Variants in TCERG1L observed in about 807,000 individuals in gnomAD.
The protein encoded by TCERG1L is transcription elongation regulator 1-like protein.
In TCERG1L, 37 loss-of-function variants were observed where a neutral mutation model predicts 56.3. That is an observed-to-expected ratio of 0.66 (90% confidence interval 0.51 to 0.87). The LOEUF is 0.87. Among genes scored for constraint, TCERG1L ranks in the 40% least tolerant of loss-of-function variants. The probability of loss-of-function intolerance (pLI) is 0.00; values close to 1 mark genes in which losing one functional copy is unlikely to be tolerated. For missense variants in TCERG1L, 799 were observed against 774.2 expected, an observed-to-expected ratio of 1.03 and a Z score of -0.38; for synonymous variants, 324 against 326.3, an observed-to-expected ratio of 0.99 and a Z score of 0.08.
chr10:131,309,757 C>G (rs535743958), intron 1 of TCERG1L, among the ~76,000 whole-genome samples: 1 of 124,734 alleles, frequency 8.0e-6, no homozygotes, highest in South Asian at 2.7e-4. Context: ...CTAATACTTT[C>G]AAAATGAAAA....
At chr10:131,144,623 CT>C (rs1212236340) in intron 7 of TCERG1L, among the ~76,000 whole-genome samples, 1 of 152,076 alleles carries the variant, frequency 6.6e-6, no homozygotes, top group East Asian at 1.9e-4. Context: ...CTCTTCCTCT[CT>C]TTATATGAGG....
chr10:131,251,325 G>A (rs1589761983), intron 4 of TCERG1L, among the ~76,000 whole-genome samples: 1 of 113,372 alleles, frequency 8.8e-6, no homozygotes, highest in Admixed American at 9.0e-5. Flanking sequence ...CCTCCTCCCA[G>A]CCCAGCTCAG....
At chr10:131,252,122 A>G (rs1846117591) in intron 4 of TCERG1L, among the ~76,000 whole-genome samples, 1 of 152,204 alleles carries the variant, frequency 6.6e-6, no homozygotes, top group African/African-American at 2.4e-5. Flanking sequence ...ATATTTCACT[A>G]TATAGATATG....
intron 4 of TCERG1L, among the ~76,000 whole-genome samples, chr10:131,249,825 C>T (rs951366855): frequency 5.3e-5 from 8 of 152,140 alleles, no homozygotes; most frequent in Non-Finnish European, 7.3e-5. Flanking sequence ...CTTTTCAAAT[C>T]GTTGCAGGGA....
chr10:131,262,083 G>A (rs1055507457), intron 3 of TCERG1L, among the ~76,000 whole-genome samples: 7 of 152,074 alleles, frequency 4.6e-5, no homozygotes, highest in African/African-American at 1.7e-4. Context: ...GGGGGTGAGG[G>A]GACAGCCAGG....
At chr10:131,206,038 C>T (rs1845520985) in intron 4 of TCERG1L, among the ~76,000 whole-genome samples, 1 of 152,200 alleles carries the variant, frequency 6.6e-6, no homozygotes, top group African/African-American at 2.4e-5. Context: ...GCTCCTTTGT[C>T]TGGAAGACTC....
rs982777852 is a variant in TCERG1L, at chr10:131,103,568, G to A, written c.1485+697C>T. On this transcript the variant is annotated intron_variant, in intron 10 of 11. Transcript: ENST00000368642. The surrounding 1 kb of genome is among the most constrained non-coding windows in gnomAD (Gnocchi z 4.3). ...TAGCCAGGCGTGGTGGCTGGAGCCTGTAGTCTCAGCTGCTCAGGAGGCTGA... is the reference window on the plus strand; with the variant it reads ...TAGCCAGGCGTGGTGGCTGGAGCCTATAGTCTCAGCTGCTCAGGAGGCTGA... 1.3e-5 allele frequency among the ~76,000 whole-genome samples: 2 copies of A among 152,214 alleles called. No homozygotes were observed. Among genetic ancestry groups the A allele is most frequent in the African/African-American group, 2.4e-5 (1 of 41,462 alleles).
intron 4 of TCERG1L, among the ~76,000 whole-genome samples, chr10:131,222,307 T>C (rs142436843): frequency 1.4e-3 from 215 of 152,370 alleles, no homozygotes; most frequent in Admixed American, 3.9e-3. Context: ...TGATATTTTG[T>C]GCGGACAGTG....
At chr10:131,229,331 A>G (rs1845825772) in intron 4 of TCERG1L, among the ~76,000 whole-genome samples, 1 of 152,212 alleles carries the variant, frequency 6.6e-6, no homozygotes, top group African/African-American at 2.4e-5. Context: ...TCAGAATTCC[A>G]CTCAGACTTT....
chr10:131,093,939 G>A (rs1287993604), intron 11 of TCERG1L, among the ~76,000 whole-genome samples: 1 of 152,140 alleles, frequency 6.6e-6, no homozygotes, highest in African/African-American at 2.4e-5. Context: ...TCCAATAAAT[G>A]CCCTGAATGT....
chr10:131,139,476 G>A (rs1295301230), intron 7 of TCERG1L, among the ~76,000 whole-genome samples: 1 of 152,180 alleles, frequency 6.6e-6, no homozygotes, highest in Non-Finnish European at 1.5e-5. Context: ...GGTGCGGGAG[G>A]CAGGGAGGCT....
At chr10:131,284,676 G>A (rs1846499287) in intron 3 of TCERG1L, among the ~76,000 whole-genome samples, 1 of 152,026 alleles carries the variant, frequency 6.6e-6, no homozygotes, top group Non-Finnish European at 1.5e-5. Flanking sequence ...GAATGAGGAG[G>A]TGCAAATAAG....
chr10:131,248,229 A>T (rs1367410379), intron 4 of TCERG1L, among the ~76,000 whole-genome samples: 1 of 146,756 alleles, frequency 6.8e-6, no homozygotes, highest in African/African-American at 2.7e-5. Flanking sequence ...CACACAACTC[A>T]CACACACACG....
intron 4 of TCERG1L, among the ~76,000 whole-genome samples, chr10:131,213,395 C>T (rs1396709594): frequency 6.6e-6 from 1 of 152,210 alleles, no homozygotes; most frequent in Non-Finnish European, 1.5e-5. Context: ...TGGAATAAGA[C>T]TTCATGTTAT....
chr10:131,262,422 T>G (rs929901700), intron 3 of TCERG1L, among the ~76,000 whole-genome samples: 1 of 152,232 alleles, frequency 6.6e-6, no homozygotes, highest in Admixed American at 6.5e-5. Flanking sequence ...CATATCTAGA[T>G]GGCAGAATTA....
At chr10:131,271,787 G>A (rs1846342059) in intron 3 of TCERG1L, among the ~76,000 whole-genome samples, 1 of 152,216 alleles carries the variant, frequency 6.6e-6, no homozygotes, top group South Asian at 2.1e-4. Context: ...GCTGGTGAGG[G>A]TCCCTGTGAC....
chr10:131,097,682 G>C (rs1416033326), intron 11 of TCERG1L, among the ~76,000 whole-genome samples: 1 of 152,276 alleles, frequency 6.6e-6, no homozygotes, highest in Non-Finnish European at 1.5e-5. Context: ...GTCAATTAAA[G>C]CTAATTTTTA....
chr10:131,299,491 T>C (rs866276699), intron 3 of TCERG1L, among the ~76,000 whole-genome samples: 8 of 142,014 alleles, frequency 5.6e-5, no homozygotes, highest in Non-Finnish European at 1.1e-4. Context: ...TTATATCTTT[T>C]GAAGATATAT....
intron 6 of TCERG1L, among the ~76,000 whole-genome samples, chr10:131,155,030 C>T (rs1845904793): frequency 6.6e-6 from 1 of 152,220 alleles, no homozygotes; most frequent in Admixed American, 6.5e-5. Flanking sequence ...GGGACACAAC[C>T]TTGGCCTCCC....
Sources: allele counts gnomAD v4.1 joint callset (sites outside exome capture counted in the v4.1 genomes callset), GRCh38; gene constraint gnomAD v4.1.1; non-coding constraint Gnocchi (gnomAD v3.1); transcripts MANE v1.5; gene names NCBI Gene and HGNC (gene_info 2026-07-23, HGNC 2026-07-21).